The following HSD11B1 variants were observed in gnomAD, a reference collection of about 807,000 sequenced individuals.
The protein encoded by HSD11B1 is 11-beta-hydroxysteroid dehydrogenase 1.
In HSD11B1, 15 loss-of-function variants were observed where a neutral mutation model predicts 22.1. The observed-to-expected ratio is 0.68, with a 90% CI of 0.45 to 1.04. HSD11B1 has a LOEUF of 1.04. Among genes scored for constraint, HSD11B1 ranks in the 50% least tolerant of loss-of-function variants. The probability of loss-of-function intolerance (pLI) is 0.00; values close to 1 mark genes in which losing one functional copy is unlikely to be tolerated. For missense variants in HSD11B1, 281 were observed against 357.6 expected, an observed-to-expected ratio of 0.79 and a Z score of 1.73; for synonymous variants, 122 against 125.2, an observed-to-expected ratio of 0.97 and a Z score of 0.17.
intron 1 of HSD11B1, among the ~76,000 whole-genome samples, chr1:209,696,039 A>T (rs2076789295): frequency 1.3e-5 from 2 of 152,222 alleles, no homozygotes; most frequent in South Asian, 4.1e-4. Context: ...ATTTGTCAAT[A>T]AATGACACAT....
intron 1 of HSD11B1, among the ~76,000 whole-genome samples, chr1:209,696,369 C>T (rs1351350741): frequency 6.6e-6 from 1 of 152,000 alleles, no homozygotes; most frequent in African/African-American, 2.4e-5. Flanking sequence ...GCAATAAAGC[C>T]GTTAAAAAAT....
intron 4 of HSD11B1, among the ~76,000 whole-genome samples, chr1:209,708,765 A>G (rs1395965632): frequency 6.6e-6 from 1 of 152,244 alleles, no homozygotes; most frequent in African/African-American, 2.4e-5. Context: ...ATGTGCTCAG[A>G]AGGACTAAGA....
chr1:209,692,617 GGT>G (rs1553286688), intron 1 of HSD11B1, among the ~76,000 whole-genome samples: 2 of 106,102 alleles, frequency 1.9e-5, no homozygotes, highest in African/African-American at 7.0e-5. Flanking sequence ...CGGGGGGGGG[GGT>G]GGGGGCTCGG....
chr1:209,702,792 G>C (rs1204734971), upstream of HSD11B1, among the ~76,000 whole-genome samples: 1 of 152,204 alleles, frequency 6.6e-6, no homozygotes, highest in Non-Finnish European at 1.5e-5. Context: ...CAAGGGTCCT[G>C]AGACCAAAAA....
Position 209,706,812 on chromosome 1 carries a change from A to C in HSD11B1, c.323A>C (p.Lys108Thr). ...FAEQFVAQAG[K>T]LMGGLDMLIL... ...GAGCAATTTGTTGCCCAAGCAGGAA[A>C]GCTCATGGGTGAGGCTGTTTCTCTT... The change falls in exon 3 of 6, where the codon AAG (lysine) becomes ACG (threonine). Residue 108 changes from lysine to threonine, a missense_variant. Coordinates refer to ENST00000367027, the MANE Select transcript of HSD11B1 (RefSeq NM_005525.4). This position sits in a 1 kb window ranked among gnomAD's most constrained non-coding sequence, Gnocchi z 4.0. 2 of 1,613,908 alleles carry C rather than the reference A, an allele frequency of 1.2e-6. No homozygotes were observed. The highest frequency in any genetic ancestry group is 1.7e-6 in the Non-Finnish European group (2 of 1,179,802).
At chr1:209,732,080 T>C (rs2077039232) in intron 4 of HSD11B1, among the ~76,000 whole-genome samples, 1 of 152,172 alleles carries the variant, frequency 6.6e-6, no homozygotes, top group Non-Finnish European at 1.5e-5. Context: ...GGTCACCAAG[T>C]TGGCAGAGAT....
In HSD11B1 at chr1:209,727,698, A is replaced by C. The variant is rs541451982; in HGVS notation, c.518-4738A>C. Among the ~76,000 whole-genome samples, 562 of 152,260 alleles carry C rather than the reference A, an allele frequency of 3.7e-3. 2 individuals carry two copies. The highest frequency in any genetic ancestry group is 0.013 in the African/African-American group (537 of 41,554). On this transcript the variant is annotated intron_variant, in intron 4 of 5. Coordinates refer to ENST00000367027, the MANE Select transcript of HSD11B1 (RefSeq NM_005525.4). ...TGCTTCTCCCACTCATTAACCTTGA[A>C]ACTTTGAGCATTTATCCTTTAGATT...
At chr1:209,690,409 A>G (rs536145623) in intron 1 of HSD11B1, among the ~76,000 whole-genome samples, 1 of 152,296 alleles carries the variant, frequency 6.6e-6, no homozygotes, top group South Asian at 2.1e-4. Context: ...AAAAATTAAA[A>G]TGAAGGGCCA....
rs372754514 is a variant in HSD11B1, at chr1:209,723,446, TC to T, written c.518-8985del. On this transcript the variant is annotated intron_variant, in intron 4 of 5. Coordinates refer to ENST00000367027, the MANE Select transcript of HSD11B1 (RefSeq NM_005525.4). ...ATCAGAAAACAAGTTGATTCTTTCC[TC>T]CCCCTGCCTGTTCAAACCTGTTCTG... Among the ~76,000 whole-genome samples the T allele has an allele frequency of 4.6e-3, 693 of 152,246 alleles. 2 individuals are homozygous for T. Among genetic ancestry groups the T allele is most frequent in the Non-Finnish European group, 7.5e-3 (512 of 68,002 alleles).
chr1:209,689,587 G>T (rs1558184198), intron 1 of HSD11B1, among the ~76,000 whole-genome samples: 1 of 152,166 alleles, frequency 6.6e-6, no homozygotes, highest in Non-Finnish European at 1.5e-5. Flanking sequence ...TTGGTGCCAT[G>T]CTCATAGTAA....
intron 1 of HSD11B1, among the ~76,000 whole-genome samples, chr1:209,690,594 G>A (rs1325398576): frequency 1.3e-5 from 2 of 152,090 alleles, no homozygotes; most frequent in African/African-American, 4.8e-5. Context: ...CTACTCAGGA[G>A]GCTGAGGCAG....
chr1:209,703,046 G>A (rs1215718969), upstream of HSD11B1, among the ~76,000 whole-genome samples: 1 of 152,092 alleles, frequency 6.6e-6, no homozygotes, highest in African/African-American at 2.4e-5. Context: ...TTTTTTAATG[G>A]AGCCAACAAT....
chr1:209,702,412 C>T (rs1157408527), upstream of HSD11B1, among the ~76,000 whole-genome samples: 2 of 152,166 alleles, frequency 1.3e-5, no homozygotes, highest in East Asian at 1.9e-4. Flanking sequence ...TAATCTATGT[C>T]CTCCAGGAGT....
Position 209,732,591 on chromosome 1 carries a change from A to G in HSD11B1, c.661+12A>G, listed in dbSNP as rs1180752985. On this transcript the variant is annotated intron_variant, in intron 5 of 5. Transcript: ENST00000367027. ...CCTCATAGACACAGGTAAGGTCAATACTTTGTGTTTTTTTTTAATTATTAT... is the reference window on the plus strand; with the variant it reads ...CCTCATAGACACAGGTAAGGTCAATGCTTTGTGTTTTTTTTTAATTATTAT... The G allele has an allele frequency of 6.2e-7, 1 of 1,609,206 alleles. No homozygotes were observed.
chr1:209,715,557 A>G (rs575519187), intron 4 of HSD11B1, among the ~76,000 whole-genome samples: 2 of 152,338 alleles, frequency 1.3e-5, no homozygotes, highest in Non-Finnish European at 2.9e-5. Context: ...ATAGGCACAC[A>G]TTACCAGGAC....
Position 209,732,508 on chromosome 1 carries a change from T to C in HSD11B1, c.590T>C (p.Ile197Thr). 2 of 1,613,908 alleles carry C rather than the reference T, an allele frequency of 1.2e-6. No homozygotes were observed. Residue 197 changes from isoleucine to threonine, a missense_variant, in exon 5 of 6, where the codon ATC becomes ACC. Ile to Thr is a moderately conservative substitution (Grantham distance 89). Coordinates refer to ENST00000367027, the MANE Select transcript of HSD11B1 (RefSeq NM_005525.4). ...KFALDGFFSS[I>T]RKEYSVSRVN... Reference sequence around the variant, plus strand: ...GCTTTGGATGGGTTCTTCTCCTCCATCAGAAAGGAATATTCAGTGTCCAGG... The same window carrying C: ...GCTTTGGATGGGTTCTTCTCCTCCACCAGAAAGGAATATTCAGTGTCCAGG...
intron 4 of HSD11B1, among the ~76,000 whole-genome samples, chr1:209,708,906 C>T (rs988685808): frequency 2.1e-4 from 32 of 152,168 alleles, no homozygotes; most frequent in African/African-American, 7.7e-4. Flanking sequence ...GGATGAGTAT[C>T]TTTGGTGTTT....
chr1:209,711,101 G>A (rs2076892105), intron 4 of HSD11B1, among the ~76,000 whole-genome samples: 1 of 152,192 alleles, frequency 6.6e-6, no homozygotes. Context: ...GTGGAGGTCT[G>A]CCTGTGTGGT....
rs529665660 is a variant in HSD11B1 at position 209,727,236 on chromosome 1, G to A, written c.518-5200G>A. Among the ~76,000 whole-genome samples, 48 of 152,322 alleles carry A rather than the reference G, an allele frequency of 3.2e-4. 1 individual carries two copies. The South Asian group carries it at 7.5e-3, about 24-fold the overall frequency. On this transcript the variant is annotated intron_variant, in intron 4 of 5. Coordinates refer to ENST00000367027, the MANE Select transcript of HSD11B1 (RefSeq NM_005525.4). ...TGCCAGCAGACATTAGAAGCTAGAA[G>A]AGAAAAAAGAAGGATTCCCTGCTAT...
Sources: gnomAD v4.1 joint callset for allele counts (sites outside exome capture counted in the v4.1 genomes callset) on GRCh38, gnomAD v4.1.1 for gene constraint, Gnocchi (gnomAD v3.1) non-coding constraint, MANE v1.5 for transcripts, NCBI Gene and HGNC (gene_info 2026-07-23, HGNC 2026-07-21) for gene names.